TUSC3: variants seen among roughly 807,000 people sequenced by gnomAD.
The protein encoded by TUSC3 is tumor suppressor candidate 3.
A neutral mutation model predicts 44.8 loss-of-function variants in TUSC3; 45 were observed. That is an observed-to-expected ratio of 1.00 (90% confidence interval 0.79 to 1.29). The LOEUF (loss-of-function observed/expected upper bound fraction) is 1.29, where lower values mean the gene tolerates loss of function less well. Among genes scored for constraint, TUSC3 ranks in the 50% most tolerant of loss-of-function variants. The pLI is 0.00. For synonymous variants in TUSC3, 212 were observed against 152.9 expected (o/e 1.39, Z -2.85); for missense variants, 519 against 437.9 (o/e 1.19, Z -1.65).
chr8:15,780,659 G>A, the TUSC3 span, among the ~76,000 whole-genome samples: 3 of 152,128 alleles, frequency 2.0e-5, no homozygotes, highest in African/African-American at 4.8e-5. Context: ...CCAGCAGCCC[G>A]AGTAGGACCT....
At chr8:15,744,564 T>C (rs114270976) in intron 8 of TUSC3, among the ~76,000 whole-genome samples, 1 of 152,056 alleles carries the variant, frequency 6.6e-6, no homozygotes, top group Admixed American at 6.6e-5. Context: ...TTAGCTAGGG[T>C]GACATGTGTG....
chr8:15,443,151 TCTTCCTTCCTTC>T (rs111430826), intron 1 of TUSC3, among the ~76,000 whole-genome samples: 3 of 152,032 alleles, frequency 2.0e-5, no homozygotes, highest in Non-Finnish European at 2.9e-5. Context: ...TTTTCTTTTT[TCTTCCTTCCTTC>T]CTTCCTTCCT....
chr8:15,822,977 C>A, the TUSC3 span, among the ~76,000 whole-genome samples: 3 of 152,188 alleles, frequency 2.0e-5, no homozygotes, highest in Non-Finnish European at 4.4e-5. Context: ...CTCAATAATA[C>A]CGACCACTAA....
chr8:15,621,819 C>G (rs562661169), intron 1 of TUSC3, among the ~76,000 whole-genome samples: 2 of 150,022 alleles, frequency 1.3e-5, no homozygotes, highest in African/African-American at 4.9e-5. Flanking sequence ...TGTGATTTTT[C>G]TTTTTCATAC....
At chr8:15,848,184 C>T in the TUSC3 span, among the ~76,000 whole-genome samples, 1 of 152,150 alleles carries the variant, frequency 6.6e-6, no homozygotes, top group Non-Finnish European at 1.5e-5. Context: ...TGCAACTTAC[C>T]TGGCACCTCA....
At chr8:15,470,487 T>A (rs1413671687) in intron 1 of TUSC3, among the ~76,000 whole-genome samples, 2 of 152,220 alleles carry the variant, frequency 1.3e-5, no homozygotes, top group Non-Finnish European at 2.9e-5. Context: ...TCATGGATTA[T>A]AACATATGTA....
At chr8:15,492,031 T>A (rs1473386626) in intron 2 of TUSC3, among the ~76,000 whole-genome samples, 1 of 152,214 alleles carries the variant, frequency 6.6e-6, no homozygotes, top group East Asian at 1.9e-4. Flanking sequence ...GGCTCCTGCT[T>A]CCTGAAATGC....
At chr8:15,423,993 T>A (rs1452622648) in intron 1 of TUSC3, among the ~76,000 whole-genome samples, 1 of 134,720 alleles carries the variant, frequency 7.4e-6, no homozygotes, top group African/African-American at 2.7e-5. Flanking sequence ...TTTTTTTTTT[T>A]TTTTTTTTTT....
the TUSC3 span, among the ~76,000 whole-genome samples, chr8:15,843,007 A>G: frequency 6.6e-6 from 1 of 152,226 alleles, no homozygotes; most frequent in Non-Finnish European, 1.5e-5. Context: ...TGTAGCAACC[A>G]CAGCCTGAGA....
At chr8:15,659,483 G>C in intron 3 of TUSC3, 24 bp from the exon 4 acceptor site, 1 of 1,608,128 alleles carries the variant, frequency 6.2e-7, no homozygotes, top group East Asian at 2.2e-5. Flanking sequence ...CCTATATTTA[G>C]TATTTTTTTC....
intron 7 of TUSC3, among the ~76,000 whole-genome samples, chr8:15,739,861 C>G (rs574788930): frequency 6.6e-6 from 1 of 152,232 alleles, no homozygotes; most frequent in South Asian, 2.1e-4. Flanking sequence ...GCATCTTTCA[C>G]TCTTTAGTTT....
intron 2 of TUSC3, among the ~76,000 whole-genome samples, chr8:15,515,833 AT>A (rs111425082): frequency 4.0e-5 from 6 of 150,018 alleles, no homozygotes; most frequent in South Asian, 2.1e-4. Flanking sequence ...ACACCCGGCT[AT>A]TTTTTTTTGT....
At chr8:15,545,427 ATTATCT>A (rs1563282134) in intron 1 of TUSC3, among the ~76,000 whole-genome samples, 1 of 151,368 alleles carries the variant, frequency 6.6e-6, no homozygotes, top group African/African-American at 2.4e-5. Context: ...AAAGGGAGAC[ATTATCT>A]TTATTAAACT....
chr8:15,476,103 G>C (rs910483797), intron 1 of TUSC3, among the ~76,000 whole-genome samples: 1 of 152,156 alleles, frequency 6.6e-6, no homozygotes, highest in East Asian at 1.9e-4. Flanking sequence ...AACCAATAAA[G>C]TGCAGCCTGT....
intron 2 of TUSC3, among the ~76,000 whole-genome samples, chr8:15,531,823 T>C (rs1801454669): frequency 6.6e-6 from 1 of 152,236 alleles, no homozygotes; most frequent in Non-Finnish European, 1.5e-5. Context: ...ACTGGTGATA[T>C]TTCCTAGAGA....
At chr8:15,652,729 A>C (rs1313525786) in intron 3 of TUSC3, among the ~76,000 whole-genome samples, 1 of 152,160 alleles carries the variant, frequency 6.6e-6, no homozygotes, top group East Asian at 1.9e-4. Flanking sequence ...AGATCATCAG[A>C]TAGAAGTGCT....
At chr8:15,594,624 C>A (rs1329571158) in intron 1 of TUSC3, among the ~76,000 whole-genome samples, 2 of 152,054 alleles carry the variant, frequency 1.3e-5, no homozygotes, top group Non-Finnish European at 2.9e-5. Context: ...TTATTCCCTA[C>A]TATTGCCAGA....
chr8:15,561,446 G>A (rs1802456364), intron 1 of TUSC3, among the ~76,000 whole-genome samples: 1 of 138,662 alleles, frequency 7.2e-6, no homozygotes, highest in African/African-American at 2.7e-5. Context: ...AGAGGTTACT[G>A]CTGTCCTTTT....
intron 1 of TUSC3, among the ~76,000 whole-genome samples, chr8:15,464,793 T>G (rs1338876230): frequency 6.6e-6 from 1 of 152,214 alleles, no homozygotes; most frequent in South Asian, 2.1e-4. Context: ...AGGCACATAA[T>G]GGCTCTTCTT....
Sources: gnomAD v4.1 joint callset for allele counts (sites outside exome capture counted in the v4.1 genomes callset) on GRCh38, gnomAD v4.1.1 for gene constraint, MANE v1.5 for transcripts, NCBI Gene and HGNC (gene_info 2026-07-23, HGNC 2026-07-21) for gene names.